The following DCLRE1C variants were observed in gnomAD, a reference collection of about 807,000 sequenced individuals.
DCLRE1C encodes DNA cross-link repair 1C.
Under a neutral mutation model 61.4 loss-of-function variants are expected in DCLRE1C, and 47 were observed. That is an observed-to-expected ratio of 0.77 (90% CI 0.61 to 0.98). DCLRE1C has a LOEUF of 0.98. Among genes scored for constraint, DCLRE1C ranks in the 50% least tolerant of loss-of-function variants. The pLI, the probability that DCLRE1C is intolerant of heterozygous loss-of-function variation, is 0.00. For synonymous variants in DCLRE1C, 337 were observed against 287.6 expected (o/e 1.17, Z -1.74); for missense variants, 858 against 816.0 (o/e 1.05, Z -0.63).
intron 3 of DCLRE1C, among the ~76,000 whole-genome samples, chr10:14,943,322 C>T (rs1841176044): frequency 2.0e-5 from 3 of 152,042 alleles, no homozygotes; most frequent in Admixed American, 2.0e-4. Context: ...GTCAATTGCA[C>T]ATACGTCCAT....
intron 5 of DCLRE1C, among the ~76,000 whole-genome samples, 158 bp from the exon 6 acceptor site, chr10:14,935,722 A>G (rs1839799298): frequency 6.6e-6 from 1 of 152,196 alleles, no homozygotes; most frequent in Non-Finnish European, 1.5e-5. Flanking sequence ...CCAGGCACTC[A>G]GCTGTCACCT....
At chr10:14,914,143 T>A (rs975138012) in intron 13 of DCLRE1C, among the ~76,000 whole-genome samples, 2 of 152,138 alleles carry the variant, frequency 1.3e-5, no homozygotes, top group African/African-American at 4.8e-5. Context: ...AACAACATAC[T>A]GCTTACAAGA....
chr10:14,910,920 T>G (rs1407228203), intron 13 of DCLRE1C, among the ~76,000 whole-genome samples: 1 of 152,202 alleles, frequency 6.6e-6, no homozygotes, highest in Admixed American at 6.5e-5. Context: ...CCCTGCTTCA[T>G]AACAGATTCC....
chr10:14,951,803 C>A (rs563317781), intron 1 of DCLRE1C, among the ~76,000 whole-genome samples: 1 of 152,290 alleles, frequency 6.6e-6, no homozygotes, highest in Admixed American at 6.5e-5. Flanking sequence ...CCCACTTAAA[C>A]TTATTTTCCT....
intron 11 of DCLRE1C, 27 bp downstream of exon 11, chr10:14,926,816 G>A (rs571704137): frequency 6.3e-7 from 1 of 1,590,794 alleles, no homozygotes; most frequent in East Asian, 2.2e-5. Context: ...GAGCGATAAG[G>A]GTTATGAGTA....
chr10:14,897,474 T>C, exon 14 of DCLRE1C: 1 of 1,586,324 alleles, frequency 6.3e-7, no homozygotes, highest in Non-Finnish European at 8.6e-7. Flanking sequence ...AAGACCCTTG[T>C]GAAGATTAAA....
At chr10:14,903,481 T>A (rs1834156923), downstream of DCLRE1C, 1 of 152,234 alleles carries the variant, frequency 6.6e-6, no homozygotes, top group Admixed American at 6.5e-5. Flanking sequence ...CCAGATTTAA[T>A]ATTTTTATAC....
rs2130785879 is a variant in DCLRE1C, at chr10:14,923,046, G to C, written c.996C>G (p.Leu332=). The C allele has an allele frequency of 6.2e-7, 1 of 1,614,024 alleles. No individual in the cohort carries two copies. ...YSEIKDFLSY[L]CPVNAYPNVI... is the part of the protein sequence containing the mutation. ...CATTTGGATATGCGTTCACAGGACA[G>C]AGGTAGCTCAAGAAATCTTTAATCT... The change falls in exon 12 of 14, where the codon CTC becomes CTG. Residue 332 remains leucine (L), a synonymous_variant. Transcript: ENST00000378278.
downstream of DCLRE1C, among the ~76,000 whole-genome samples, chr10:14,901,437 G>A (rs954375894): frequency 6.6e-6 from 1 of 152,120 alleles, no homozygotes; most frequent in African/African-American, 2.4e-5. Flanking sequence ...CTAGAACCCA[G>A]GTCTGCCTGA....
chr10:14,941,475 T>C (rs1247012033), intron 3 of DCLRE1C, among the ~76,000 whole-genome samples: 5 of 152,108 alleles, frequency 3.3e-5, no homozygotes, highest in Non-Finnish European at 5.9e-5. Context: ...TTTGTAGACA[T>C]GGGGTTTTGC....
At chr10:14,912,914 C>G (rs1002257675) in intron 13 of DCLRE1C, among the ~76,000 whole-genome samples, 17 of 146,286 alleles carry the variant, frequency 1.2e-4, no homozygotes, top group Non-Finnish European at 3.0e-5. Context: ...ATCTCTCTGA[C>G]CACATGATCC....
chr10:14,935,179 A>G (rs1032562435), intron 6 of DCLRE1C, among the ~76,000 whole-genome samples: 1 of 151,796 alleles, frequency 6.6e-6, no homozygotes, highest in Admixed American at 6.6e-5. Flanking sequence ...GAAGAACTGT[A>G]CAAGAGGCCA....
intron 4 of DCLRE1C, among the ~76,000 whole-genome samples, chr10:14,937,002 A>G (rs1840041386): frequency 6.6e-6 from 1 of 152,250 alleles, no homozygotes; most frequent in South Asian, 2.1e-4. Context: ...GTGCTGCAAC[A>G]TGGATGATCC....
At chr10:14,913,990 G>A (rs1401769018) in intron 13 of DCLRE1C, among the ~76,000 whole-genome samples, 3 of 152,042 alleles carry the variant, frequency 2.0e-5, no homozygotes, top group African/African-American at 7.2e-5. Flanking sequence ...CTGAAAGAAG[G>A]CCAAAAAAGA....
chr10:14,900,670 C>T (rs1411022704), downstream of DCLRE1C, among the ~76,000 whole-genome samples: 1 of 152,114 alleles, frequency 6.6e-6, no homozygotes, highest in East Asian at 1.9e-4. Flanking sequence ...AGAGTTTGGA[C>T]CAAAAATTCA....
chr10:14,919,209 T>G (rs1306835423), intron 13 of DCLRE1C, among the ~76,000 whole-genome samples: 1 of 152,148 alleles, frequency 6.6e-6, no homozygotes, highest in Non-Finnish European at 1.5e-5. Flanking sequence ...AATCTAACGT[T>G]CTGATTACTA....
intron 12 of DCLRE1C, chr10:14,920,557 C>T (rs1836931920): frequency 4.1e-6 from 1 of 246,224 alleles, no homozygotes; most frequent in Non-Finnish European, 6.5e-6. Context: ...TGGATCCATC[C>T]CCTTCAACCT....
rs532892332 is a variant in DCLRE1C, at chr10:14,909,263, C to T, written c.1224G>A (p.Pro408=). Residue 408 remains proline (P), a synonymous_variant, in exon 14 of 14, where the codon CCG becomes CCA. Coordinates refer to ENST00000378278, the MANE Select transcript of DCLRE1C (RefSeq NM_001033855.3). The stretch of plus-strand genomic sequence containing the variant: ...AAAATACCTCAGGGTGAAAAGTTTC[C>T]GGGTATGGAACTTTGTGCCTTAAAG... ...PIPLRHKVPY[P]ETFHPEVFSM... is the part of the protein sequence containing the mutation. The T allele has an allele frequency of 2.4e-5, 38 of 1,613,544 alleles. No homozygotes were observed. The highest frequency in any genetic ancestry group is 1.2e-4 in the Admixed American group (7 of 59,904).
intron 13 of DCLRE1C, among the ~76,000 whole-genome samples, chr10:14,917,406 C>G (rs1588951012): frequency 6.6e-6 from 1 of 151,770 alleles, no homozygotes; most frequent in East Asian, 1.9e-4. Flanking sequence ...AAAATTTCTG[C>G]TCTTCAAAAT....
Sources: allele counts gnomAD v4.1 joint callset (sites outside exome capture counted in the v4.1 genomes callset), GRCh38; gene constraint gnomAD v4.1.1; transcripts MANE v1.5; gene names NCBI Gene and HGNC (gene_info 2026-07-23, HGNC 2026-07-21).